The following EPC1 variants were observed in gnomAD, a reference collection of about 807,000 sequenced individuals.
EPC1 encodes the protein enhancer of polycomb 1, also known as enhancer of polycomb homolog 1.
Under a neutral mutation model 98.4 loss-of-function variants are expected in EPC1, and 12 were observed. The ratio of observed to expected loss-of-function variants is 0.12; its 90% CI spans 0.08 to 0.20. EPC1 has a LOEUF of 0.20. Among genes scored for constraint, EPC1 ranks in the 10% least tolerant of loss-of-function variants. The pLI, the probability that EPC1 is intolerant of heterozygous loss-of-function variation, is 1.00. For missense variants in EPC1, 729 were observed against 990.5 expected (o/e 0.74, Z 3.54); for synonymous variants, 357 against 363.9 (o/e 0.98, Z 0.21).
chr10:32,350,779 C>T (rs572313615), upstream of EPC1, among the ~76,000 whole-genome samples: 6 of 152,314 alleles, frequency 3.9e-5, no homozygotes, highest in South Asian at 1.2e-3. Context: ...AAGGCAACTG[C>T]TCTGACACTG....
Position 32,287,092 on chromosome 10 carries a change from T to C in EPC1, c.1152+6A>G. ...CCTCAATGTTCATAGAGAATTGTAT[T>C]TGTACCTGGGAGAGAGGTTCTTCGT... On this transcript the variant is annotated splice_donor_region_variant and intron_variant, in intron 7 of 13. Coordinates refer to ENST00000319778, the MANE Select transcript of EPC1 (RefSeq NM_001272004.3). 1 of 1,614,136 alleles carries C rather than the reference T, an allele frequency of 6.2e-7. No individual in the cohort carries two copies. The highest frequency in any genetic ancestry group is 2.2e-5 in the East Asian group (1 of 44,876).
At chr10:32,365,921 G>A (rs1460204198) in intron 1 of EPC1, among the ~76,000 whole-genome samples, 1 of 149,690 alleles carries the variant, frequency 6.7e-6, no homozygotes, top group Non-Finnish European at 1.5e-5. Flanking sequence ...ATCACCTGAG[G>A]TCAGGAGTTC....
chr10:32,370,394 C>T (rs1008828858), intron 1 of EPC1, among the ~76,000 whole-genome samples: 12 of 152,230 alleles, frequency 7.9e-5, no homozygotes, highest in Middle Eastern at 3.4e-3. Flanking sequence ...CTTCAATAGC[C>T]GTAAGCCTGT....
intron 10 of EPC1, among the ~76,000 whole-genome samples, chr10:32,274,668 T>C (rs971059625): frequency 2.7e-4 from 41 of 152,288 alleles, no homozygotes; most frequent in African/African-American, 8.7e-4. Context: ...ATCTTCCCTT[T>C]GATGAGCTCC....
chr10:32,367,290 C>T (rs1839629200), intron 1 of EPC1, among the ~76,000 whole-genome samples: 5 of 152,214 alleles, frequency 3.3e-5, no homozygotes, highest in Admixed American at 3.3e-4. Context: ...CACACCCAGC[C>T]TTTCGCTATT....
intron 10 of EPC1, among the ~76,000 whole-genome samples, chr10:32,281,336 G>A (rs1347251997): frequency 1.3e-5 from 2 of 151,892 alleles, no homozygotes; most frequent in African/African-American, 2.4e-5. Context: ...GACCCACTGT[G>A]CCTGGCCTGA....
Position 32,359,968 on chromosome 10 carries a change from C to A in EPC1, c.3+18523G>T, listed in dbSNP as rs139752226. Among the ~76,000 whole-genome samples the A allele has an allele frequency of 4.4e-3, 655 of 150,338 alleles. 3 individuals carry two copies. The highest frequency in any genetic ancestry group is 7.1e-3 in the Middle Eastern group (2 of 282). ...TTTGTATCAGTAATTTTGTATCATT[C>A]GTAGGTATATTTCATACTTTTGTAT... On this transcript the variant is annotated intron_variant, in intron 1 of 13. Transcript: ENST00000375110.
At chr10:32,296,331 C>G (rs555887626) in intron 2 of EPC1, among the ~76,000 whole-genome samples, 1 of 152,296 alleles carries the variant, frequency 6.6e-6, no homozygotes, top group African/African-American at 2.4e-5. Context: ...CATGTCAAAC[C>G]ACAATCACAA....
At chr10:32,275,975 A>G (rs560354018) in intron 10 of EPC1, among the ~76,000 whole-genome samples, 44 of 152,092 alleles carry the variant, frequency 2.9e-4, no homozygotes, top group African/African-American at 1.0e-3. Context: ...TTAGATTACT[A>G]TGTTAGCCTA....
chr10:32,366,278 C>T (rs1839602272), intron 1 of EPC1, among the ~76,000 whole-genome samples: 1 of 152,024 alleles, frequency 6.6e-6, no homozygotes, highest in Admixed American at 6.5e-5. Context: ...TACTATAAGC[C>T]AGGGGAAATA....
At chr10:32,333,775 G>C (rs952199204) in intron 1 of EPC1, among the ~76,000 whole-genome samples, 1 of 143,530 alleles carries the variant, frequency 7.0e-6, no homozygotes, top group East Asian at 2.1e-4. Context: ...TTACGAGAAG[G>C]GTGTTGTCTC....
rs1172661212 is a variant in EPC1, at chr10:32,268,941, G to A, written c.*122C>T. On this transcript the variant is annotated 3_prime_UTR_variant, in exon 14 of 14. Transcript: ENST00000319778. ...TGAAGCATGAGAGATGAGCATTGCT[G>A]TCAAGTCCCCACAGCTGCCACAGAA... 3 of 775,256 alleles carry A rather than the reference G, an allele frequency of 3.9e-6. No homozygotes were observed. In the East Asian group the frequency reaches 7.8e-5, roughly 20 times the overall value. The allele number at this position is 775,256 out of a possible 1,614,324, so 48.0% of individuals were successfully genotyped here.
chr10:32,297,171 T>G (rs1835216798), intron 2 of EPC1, among the ~76,000 whole-genome samples: 1 of 152,066 alleles, frequency 6.6e-6, no homozygotes, highest in African/African-American at 2.4e-5. Context: ...CTGGGTCATG[T>G]TATTGGATGT....
chr10:32,300,632 C>A (rs183202331), intron 2 of EPC1, among the ~76,000 whole-genome samples: 224 of 152,040 alleles, frequency 1.5e-3, no homozygotes, highest in African/African-American at 5.1e-3. Context: ...TAGGGTTTCA[C>A]CATGTTGGCC....
At chr10:32,324,926 G>A (rs756928872) in intron 1 of EPC1, among the ~76,000 whole-genome samples, 18 of 152,082 alleles carry the variant, frequency 1.2e-4, no homozygotes, top group Non-Finnish European at 2.5e-4. Flanking sequence ...GCAGAACCCA[G>A]GTAACTGACG....
upstream of EPC1, chr10:32,347,292 G>T: frequency 1.2e-6 from 1 of 815,028 alleles, no homozygotes; most frequent in Non-Finnish European, 1.5e-6. Flanking sequence ...CCCGGCACCC[G>T]CCGGCCTCGC....
chr10:32,316,192 TAAC>T (rs1284749747), intron 1 of EPC1, among the ~76,000 whole-genome samples: 1 of 152,174 alleles, frequency 6.6e-6, no homozygotes, highest in Non-Finnish European at 1.5e-5. Context: ...TAGAAAAGGC[TAAC>T]AACATCACAT....
At chr10:32,364,682 A>C (rs1317190449) in intron 1 of EPC1, among the ~76,000 whole-genome samples, 2 of 152,088 alleles carry the variant, frequency 1.3e-5, no homozygotes, top group Non-Finnish European at 2.9e-5. Context: ...GAATACATGA[A>C]ATTTTTTAAA....
rs150916109 is a variant in EPC1, at chr10:32,313,003, T to C, written c.154-7072A>G. On this transcript the variant is annotated intron_variant, in intron 1 of 13. Transcript: ENST00000319778. ...AAGCTGTTTCACTGAAGTACTACTT[T>C]CAAATTATTAATAGGTAGTCTAATG... Among the ~76,000 whole-genome samples, 721 of 152,320 alleles carry C rather than the reference T, an allele frequency of 4.7e-3. 5 individuals are homozygous for C. The highest frequency in any genetic ancestry group is 6.9e-3 in the Non-Finnish European group (472 of 68,026).
Sources: allele counts gnomAD v4.1 joint callset (sites outside exome capture counted in the v4.1 genomes callset), GRCh38; gene constraint gnomAD v4.1.1; transcripts MANE v1.5; gene names NCBI Gene and HGNC (gene_info 2026-07-23, HGNC 2026-07-21).